Variants in TYR observed in about 807,000 individuals in gnomAD.
TYR encodes LB24-AB.
A neutral mutation model predicts 51.5 loss-of-function variants in TYR; 58 were observed. That is an observed-to-expected ratio of 1.13 (90% confidence interval 0.91 to 1.40). The LOEUF (loss-of-function observed/expected upper bound fraction) is 1.40, where lower values mean the gene tolerates loss of function less well. Ranked by LOEUF, TYR falls within the 40% of genes most tolerant of loss-of-function variation. The pLI, the probability that TYR is intolerant of heterozygous loss-of-function variation, is 0.00. For missense variants in TYR, 732 were observed against 647.4 expected, an observed-to-expected ratio of 1.13 and a Z score of -1.42; for synonymous variants, 263 against 235.2, an observed-to-expected ratio of 1.12 and a Z score of -1.08.
chr11:89,209,159 G>A lies in TYR; in HGVS notation c.1036+17741G>A, dbSNP rs571370445. On this transcript the variant is annotated intron_variant, in intron 2 of 4. Coordinates refer to ENST00000263321, the MANE Select transcript of TYR (RefSeq NM_000372.5). Reference sequence around the variant, plus strand: ...GGGTCACCTCATCTGGGAAGCACAAGGGGTTGGGGGATTTCCCTTTCCTAG... The same window carrying A: ...GGGTCACCTCATCTGGGAAGCACAAAGGGTTGGGGGATTTCCCTTTCCTAG... Among the ~76,000 whole-genome samples the A allele has an allele frequency of 7.2e-5, 11 of 152,340 alleles. No homozygotes were observed. In the East Asian group the frequency reaches 1.7e-3, roughly 24 times the overall value.
intron 3 of TYR, among the ~76,000 whole-genome samples, chr11:89,250,298 T>A (rs529602270): frequency 1.2e-4 from 19 of 152,106 alleles, no homozygotes; most frequent in African/African-American, 4.6e-4. Flanking sequence ...ATTAATTATT[T>A]CCTTTTTTAA....
intron 1 of TYR, among the ~76,000 whole-genome samples, chr11:89,179,413 T>C (rs1943271706): frequency 1.3e-5 from 2 of 152,222 alleles, no homozygotes; most frequent in Non-Finnish European, 2.9e-5. Context: ...CTAATATTCA[T>C]TGAACATCTA....
At chr11:89,261,771 G>A (rs561150464) in intron 3 of TYR, among the ~76,000 whole-genome samples, 36 of 151,950 alleles carry the variant, frequency 2.4e-4, no homozygotes, top group Admixed American at 2.4e-3. Context: ...TGCACATGGA[G>A]TATTTTCCAG....
intron 2 of TYR, among the ~76,000 whole-genome samples, chr11:89,216,759 A>G (rs551556326): frequency 7.9e-5 from 12 of 151,962 alleles, no homozygotes; most frequent in African/African-American, 2.9e-4. Flanking sequence ...AAGATCTGGT[A>G]GTGCAATTCT....
chr11:89,285,716 G>T (rs1288393200), intron 4 of TYR, among the ~76,000 whole-genome samples: 1 of 151,652 alleles, frequency 6.6e-6, no homozygotes, highest in African/African-American at 2.4e-5. Flanking sequence ...TAAGATAAAG[G>T]TGAGGACACT....
At chr11:89,229,899 A>T (rs1172160260) in intron 3 of TYR, among the ~76,000 whole-genome samples, 3 of 152,072 alleles carry the variant, frequency 2.0e-5, no homozygotes, top group African/African-American at 7.2e-5. Flanking sequence ...GTAGAACACA[A>T]AAATAAATAA....
At chr11:89,245,010 C>T (rs766455586) in intron 3 of TYR, among the ~76,000 whole-genome samples, 6 of 152,190 alleles carry the variant, frequency 3.9e-5, no homozygotes, top group Admixed American at 1.3e-4. Flanking sequence ...TCCTCTTTAA[C>T]CCCTGAATCT....
chr11:89,222,305 C>A (rs1183254546), intron 2 of TYR, among the ~76,000 whole-genome samples: 1 of 152,120 alleles, frequency 6.6e-6, no homozygotes, highest in Non-Finnish European at 1.5e-5. Context: ...ACTCCAAGTG[C>A]CTGAGTCCCA....
intron 2 of TYR, among the ~76,000 whole-genome samples, chr11:89,209,585 TGACA>T (rs1448572962): frequency 1.3e-5 from 2 of 152,180 alleles, no homozygotes; most frequent in Non-Finnish European, 2.9e-5. Flanking sequence ...CGTCCTTGTC[TGACA>T]GCTCTGAAGA....
chr11:89,204,867 G>A (rs1943651305), intron 2 of TYR, among the ~76,000 whole-genome samples: 1 of 150,324 alleles, frequency 6.7e-6, no homozygotes, highest in South Asian at 2.1e-4. Flanking sequence ...TGAAGTAACA[G>A]ATATGTTAAA....
At chr11:89,280,964 T>G (rs1308530749) in intron 3 of TYR, among the ~76,000 whole-genome samples, 1 of 151,824 alleles carries the variant, frequency 6.6e-6, no homozygotes, top group Non-Finnish European at 1.5e-5. Flanking sequence ...AGATAGTTCA[T>G]GTATTTCAGC....
intron 4 of TYR, among the ~76,000 whole-genome samples, chr11:89,285,159 A>G (rs1944769108): frequency 6.6e-6 from 1 of 151,762 alleles, no homozygotes; most frequent in Non-Finnish European, 1.5e-5. Flanking sequence ...TTTGCTTAAC[A>G]TAGGCCATTT....
chr11:89,197,991 A>G (rs1271057221), intron 2 of TYR, among the ~76,000 whole-genome samples: 1 of 152,096 alleles, frequency 6.6e-6, no homozygotes, highest in Non-Finnish European at 1.5e-5. Flanking sequence ...GAACTATTTC[A>G]CCACTTCACA....
At chr11:89,254,722 TGG>T (rs1944368775) in intron 3 of TYR, among the ~76,000 whole-genome samples, 1 of 151,920 alleles carries the variant, frequency 6.6e-6, no homozygotes, top group South Asian at 2.1e-4. Context: ...CTTCTTTTCT[TGG>T]TTAACCTTGC....
intron 2 of TYR, among the ~76,000 whole-genome samples, chr11:89,206,725 C>T (rs1170515255): frequency 6.6e-6 from 1 of 152,038 alleles, no homozygotes; most frequent in Non-Finnish European, 1.5e-5. Context: ...ATGACTGCCC[C>T]TTGAGCCATA....
rs372665540 is a variant in TYR at position 89,295,220 on chromosome 11, G to T, written c.1444G>T (p.Ala482Ser). The T allele has an allele frequency of 6.8e-5, 109 of 1,613,874 alleles. No individual in the cohort carries two copies. Among genetic ancestry groups the T allele is most frequent in the Non-Finnish European group, 1.9e-5 (22 of 1,179,880 alleles). ...GATCTGGTCATGGCTCCTTGGGGCG[G>T]CGATGGTAGGGGCCGTCCTCACTGC... ...SRIWSWLLGAAMVGAVLTALL... is the reference protein window; with the variant it reads ...SRIWSWLLGASMVGAVLTALL... The change falls in exon 5 of 5, where the codon GCG (alanine) becomes TCG (serine). Residue 482 changes from alanine to serine, a missense_variant. Physicochemically the swap from Ala to Ser is moderately conservative, Grantham distance 99. Transcript: ENST00000263321.
intron 2 of TYR, among the ~76,000 whole-genome samples, chr11:89,224,970 G>A (rs1193061091): frequency 6.6e-6 from 1 of 151,320 alleles, no homozygotes; most frequent in East Asian, 1.9e-4. Flanking sequence ...AGCATATTTA[G>A]CTCAAATGAG....
At chr11:89,182,985 CAG>C (rs1314595816) in intron 1 of TYR, among the ~76,000 whole-genome samples, 1 of 152,078 alleles carries the variant, frequency 6.6e-6, no homozygotes, top group Middle Eastern at 3.2e-3. Context: ...CACATTTCAG[CAG>C]AGAGTCATGG....
intron 2 of TYR, 142 bp from the exon 3 acceptor site, chr11:89,227,681 G>A (rs1943993650): frequency 2.7e-6 from 2 of 747,404 alleles, no homozygotes; most frequent in African/African-American, 3.5e-5. Flanking sequence ...AATGTAAAGA[G>A]TCTCAATACG....
Sources: allele counts gnomAD v4.1 joint callset (sites outside exome capture counted in the v4.1 genomes callset), GRCh38; gene constraint gnomAD v4.1.1; transcripts MANE v1.5; gene names NCBI Gene and HGNC (gene_info 2026-07-23, HGNC 2026-07-21).